CDH13: variants seen among roughly 807,000 people sequenced by gnomAD.
CDH13 encodes cadherin-13.
A neutral mutation model predicts 63.8 loss-of-function variants in CDH13; 24 were observed. The observed-to-expected ratio is 0.38, with a 90% CI of 0.27 to 0.53. The LOEUF (loss-of-function observed/expected upper bound fraction) is 0.53, where lower values mean the gene tolerates loss of function less well. Ranked by LOEUF, CDH13 falls within the 20% of genes least tolerant of loss-of-function variation. The pLI is 0.85. For synonymous variants in CDH13, 503 were observed against 355.3 expected, an observed-to-expected ratio of 1.42 and a Z score of -4.67; for missense variants, 1,049 against 903.1, an observed-to-expected ratio of 1.16 and a Z score of -2.07.
intron 8 of CDH13, among the ~76,000 whole-genome samples, chr16:83,660,340 T>TC (rs972829821): frequency 6.6e-6 from 1 of 152,236 alleles, no homozygotes; most frequent in Admixed American, 6.5e-5. Context: ...CAATGATAGA[T>TC]CATCAAGTAT....
At chr16:83,503,791 A>G (rs955528764) in intron 7 of CDH13, among the ~76,000 whole-genome samples, 3 of 152,166 alleles carry the variant, frequency 2.0e-5, no homozygotes, top group Admixed American at 6.5e-5. Flanking sequence ...TCTAGATATA[A>G]GACCTTTGCC....
rs60199380 is a variant in CDH13, at chr16:83,282,008, C to T, written c.637-62854C>T. On this transcript the variant is annotated intron_variant, in intron 5 of 13. Coordinates refer to ENST00000567109, the MANE Select transcript of CDH13 (RefSeq NM_001257.5). ...TGTGTCTCTTCTTTTCACTTGAACA[C>T]TTAGAGACCATTGTAGTGGTATTCA... Among the ~76,000 whole-genome samples the T allele has an allele frequency of 9.6e-3, 1,455 of 152,220 alleles. 22 individuals carry two copies. The highest frequency in any genetic ancestry group is 0.034 in the African/African-American group (1,396 of 41,526).
chr16:83,024,875 G>C (rs1364482096), intron 2 of CDH13, among the ~76,000 whole-genome samples: 1 of 152,118 alleles, frequency 6.6e-6, no homozygotes, highest in African/African-American at 2.4e-5. Context: ...AGTACGTAGG[G>C]CTTCACCAAA....
intron 8 of CDH13, among the ~76,000 whole-genome samples, chr16:83,653,143 G>A (rs967996646): frequency 4.6e-5 from 7 of 152,146 alleles, no homozygotes; most frequent in African/African-American, 9.7e-5. Context: ...GCCAGGGGCC[G>A]GGAGTGGGTG....
chr16:83,745,326 A>T (rs1388708613), intron 10 of CDH13, among the ~76,000 whole-genome samples: 2 of 152,164 alleles, frequency 1.3e-5, no homozygotes, highest in Non-Finnish European at 2.9e-5. Context: ...ACTTGATTTG[A>T]TTCTCAGGTC....
intron 5 of CDH13, among the ~76,000 whole-genome samples, chr16:83,270,723 C>G (rs16960055): frequency 0.08 from 12,157 of 152,198 alleles, 530 homozygotes; most frequent in East Asian, 0.16. Flanking sequence ...CTGTCATCTT[C>G]TATCCTCCCA....
At chr16:83,781,653 CCTT>C (rs1915531873) in intron 12 of CDH13, among the ~76,000 whole-genome samples, 1 of 151,940 alleles carries the variant, frequency 6.6e-6, no homozygotes, top group Non-Finnish European at 1.5e-5. Context: ...TTAAAACAGA[CCTT>C]CTCTTGTTTG....
At chr16:83,342,842 T>G (rs2090755734) in intron 5 of CDH13, among the ~76,000 whole-genome samples, 1 of 93,440 alleles carries the variant, frequency 1.1e-5, no homozygotes, top group Non-Finnish European at 2.1e-5. Flanking sequence ...TTTTTGTTTC[T>G]GTTTTTTTTT....
At chr16:83,205,282 A>C (rs1597511984) in intron 4 of CDH13, among the ~76,000 whole-genome samples, 1 of 152,358 alleles carries the variant, frequency 6.6e-6, no homozygotes, top group East Asian at 1.9e-4. Flanking sequence ...AGAGACACTT[A>C]CAAATACCTA....
At chr16:82,886,561 A>T (rs199754887) in intron 2 of CDH13, among the ~76,000 whole-genome samples, 2 of 149,314 alleles carry the variant, frequency 1.3e-5, no homozygotes, top group African/African-American at 2.5e-5. Flanking sequence ...TATTTGTGCA[A>T]TTTTTTTTTT....
At chr16:83,337,127 C>T (rs987901463) in intron 5 of CDH13, among the ~76,000 whole-genome samples, 1 of 152,172 alleles carries the variant, frequency 6.6e-6, no homozygotes, top group African/African-American at 2.4e-5. Flanking sequence ...AAGCATTTTA[C>T]GTACAGCCAA....
At chr16:82,830,721 G>A (rs1201006921) in intron 1 of CDH13, among the ~76,000 whole-genome samples, 1 of 152,186 alleles carries the variant, frequency 6.6e-6, no homozygotes, top group Non-Finnish European at 1.5e-5. Context: ...ATTGACACAT[G>A]TTTGTTGAAT....
At chr16:82,906,664 A>G (rs2041655914) in intron 2 of CDH13, among the ~76,000 whole-genome samples, 1 of 152,174 alleles carries the variant, frequency 6.6e-6, no homozygotes, top group Non-Finnish European at 1.5e-5. Context: ...TTAAAACAAC[A>G]GAAATGTGTT....
chr16:83,748,792 G>A (rs1912826459), intron 11 of CDH13, among the ~76,000 whole-genome samples: 1 of 152,198 alleles, frequency 6.6e-6, no homozygotes, highest in Non-Finnish European at 1.5e-5. Flanking sequence ...AGATGCTGGG[G>A]GCGCAGCAGT....
chr16:83,372,847 G>T (rs992349303), intron 6 of CDH13, among the ~76,000 whole-genome samples: 8 of 151,586 alleles, frequency 5.3e-5, no homozygotes, highest in Non-Finnish European at 1.0e-4. Context: ...AAAGGAGACT[G>T]ACAAGTGATG....
chr16:83,574,955 A>T (rs980974844), intron 7 of CDH13, among the ~76,000 whole-genome samples: 2 of 152,258 alleles, frequency 1.3e-5, no homozygotes, highest in Non-Finnish European at 2.9e-5. Context: ...GAATATTAAT[A>T]GCAACATTAC....
intron 1 of CDH13, among the ~76,000 whole-genome samples, chr16:82,762,843 G>C (rs906417924): frequency 1.4e-4 from 21 of 152,162 alleles, no homozygotes; most frequent in Non-Finnish European, 4.4e-5. Flanking sequence ...GGGATGCCAG[G>C]GGTGGTTTGG....
intron 8 of CDH13, among the ~76,000 whole-genome samples, chr16:83,633,634 C>T (rs1262469622): frequency 6.6e-6 from 1 of 152,124 alleles, no homozygotes; most frequent in Non-Finnish European, 1.5e-5. Context: ...TGGTATCTTC[C>T]TGGGCTGATT....
intron 6 of CDH13, among the ~76,000 whole-genome samples, chr16:83,363,691 G>A (rs1317142983): frequency 6.6e-6 from 1 of 152,212 alleles, no homozygotes; most frequent in Non-Finnish European, 1.5e-5. Flanking sequence ...CAGAGAATCT[G>A]TTATGAGCAG....
Sources: gnomAD v4.1 joint callset for allele counts (sites outside exome capture counted in the v4.1 genomes callset) on GRCh38, gnomAD v4.1.1 for gene constraint, MANE v1.5 for transcripts, NCBI Gene and HGNC (gene_info 2026-07-23, HGNC 2026-07-21) for gene names.